LHFPL2: variants seen among roughly 807,000 people sequenced by gnomAD.
LHFPL2 encodes the protein LHFPL tetraspan subfamily member 2, also known as LHFPL tetraspan subfamily member 2 protein.
A neutral mutation model predicts 17.5 loss-of-function variants in LHFPL2; 7 were observed. The observed-to-expected ratio is 0.40, with a 90% CI of 0.23 to 0.75. LHFPL2 has a LOEUF of 0.75. Ranked by LOEUF, LHFPL2 falls within the 30% of genes least tolerant of loss-of-function variation. The pLI is 0.37. For missense variants in LHFPL2, 241 were observed against 294.8 expected, an observed-to-expected ratio of 0.82 and a Z score of 1.34; for synonymous variants, 134 against 116.2, an observed-to-expected ratio of 1.15 and a Z score of -0.99.
intron 1 of LHFPL2, among the ~76,000 whole-genome samples, chr5:78,633,756 T>C (rs1340645550): frequency 6.6e-6 from 1 of 152,154 alleles, no homozygotes; most frequent in Non-Finnish European, 1.5e-5. Context: ...GAGGTGGAGA[T>C]GGGAGTGCAG....
chr5:78,640,790 A>G (rs1354880947), intron 1 of LHFPL2, among the ~76,000 whole-genome samples: 1 of 152,234 alleles, frequency 6.6e-6, no homozygotes, highest in African/African-American at 2.4e-5. Flanking sequence ...ACTAACAATG[A>G]TTAATCATCC....
At chr5:78,645,416 A>G (rs952560314) in intron 1 of LHFPL2, among the ~76,000 whole-genome samples, 2 of 151,390 alleles carry the variant, frequency 1.3e-5, no homozygotes, top group African/African-American at 2.5e-5. Context: ...TCCCTAAATT[A>G]GCAGAGTTCT....
In LHFPL2 at chr5:78,524,270, T is replaced by C. The variant is rs932787963; in HGVS notation, c.-185-13872A>G. ...TGAGGTTTTCGGGCACACTCACTCATGGGACCCAATAAGCCCAAGACACCA... is the reference window on the plus strand; with the variant it reads ...TGAGGTTTTCGGGCACACTCACTCACGGGACCCAATAAGCCCAAGACACCA... On this transcript the variant is annotated intron_variant, in intron 3 of 4. Coordinates refer to ENST00000380345, the MANE Select transcript of LHFPL2 (RefSeq NM_005779.3). Among the ~76,000 whole-genome samples, 5 of 152,266 alleles carry C rather than the reference T, an allele frequency of 3.3e-5. No individual in the cohort carries two copies. The East Asian group carries it at 7.7e-4, about 23-fold the overall frequency.
intron 2 of LHFPL2, among the ~76,000 whole-genome samples, chr5:78,606,331 G>C (rs1744211533): frequency 6.6e-6 from 1 of 152,084 alleles, no homozygotes; most frequent in African/African-American, 2.4e-5. Flanking sequence ...ATGCCACCAG[G>C]GATTAGGCAG....
chr5:78,623,517 A>G (rs1744932310), intron 2 of LHFPL2, among the ~76,000 whole-genome samples: 1 of 152,246 alleles, frequency 6.6e-6, no homozygotes, highest in South Asian at 2.1e-4. Flanking sequence ...CACATGCAAT[A>G]AGTATACAAA....
intron 3 of LHFPL2, among the ~76,000 whole-genome samples, chr5:78,535,851 A>T (rs1191034303): frequency 6.6e-6 from 1 of 152,132 alleles, no homozygotes; most frequent in Admixed American, 6.5e-5. Flanking sequence ...CTCTGACACG[A>T]ACTCATAACA....
At chr5:78,640,056 A>C (rs574329538) in intron 1 of LHFPL2, among the ~76,000 whole-genome samples, 1 of 152,362 alleles carries the variant, frequency 6.6e-6, no homozygotes, top group South Asian at 2.1e-4. Context: ...GGAAAGAAAG[A>C]AAATGCTGAA....
chr5:78,541,643 G>A (rs901970041), intron 3 of LHFPL2, among the ~76,000 whole-genome samples: 2 of 152,196 alleles, frequency 1.3e-5, no homozygotes, highest in African/African-American at 4.8e-5. Context: ...CCTGCCACCT[G>A]ATAAATCAGT....
At chr5:78,568,347 C>T (rs1756912072) in intron 2 of LHFPL2, among the ~76,000 whole-genome samples, 2 of 152,218 alleles carry the variant, frequency 1.3e-5, no homozygotes, top group African/African-American at 4.8e-5. Flanking sequence ...TCCCATTCAT[C>T]TCCATTTGGG....
At chr5:78,584,368 A>G (rs973077534) in intron 2 of LHFPL2, among the ~76,000 whole-genome samples, 24 of 152,164 alleles carry the variant, frequency 1.6e-4, no homozygotes, top group African/African-American at 5.8e-4. Context: ...CCTGCTTTTT[A>G]GAGTTTCCAG....
In LHFPL2 at chr5:78,488,799, G is replaced by T; in HGVS notation, c.*98C>A. On this transcript the variant is annotated 3_prime_UTR_variant, in exon 5 of 5. Coordinates refer to ENST00000380345, the MANE Select transcript of LHFPL2 (RefSeq NM_005779.3). ...GCCTCGGGCCGTGGAACGTGGCTTT[G>T]GTAGGTAAAGGTTAGTTCTCCACTT... 1.4e-6 allele frequency: 2 copies of T among 1,403,148 alleles called. No individual in the cohort carries two copies. The highest frequency in any genetic ancestry group is 9.8e-7 in the Non-Finnish European group (1 of 1,021,508). 86.9% of individuals were successfully genotyped at this position (1,403,148 alleles called of 1,614,324 possible).
At chr5:78,528,367 G>C (rs1755680939) in intron 3 of LHFPL2, among the ~76,000 whole-genome samples, 1 of 152,154 alleles carries the variant, frequency 6.6e-6, no homozygotes, top group South Asian at 2.1e-4. Context: ...TATCAACAGT[G>C]GCATTAGATT....
chr5:78,627,063 G>A (rs536322695), intron 2 of LHFPL2, among the ~76,000 whole-genome samples: 10 of 150,164 alleles, frequency 6.7e-5, no homozygotes, highest in South Asian at 2.1e-4. Context: ...CCTGGGCAAC[G>A]AGAGCGAAAC....
At chr5:78,531,397 C>A (rs866321570) in intron 3 of LHFPL2, among the ~76,000 whole-genome samples, 3 of 118,742 alleles carry the variant, frequency 2.5e-5, no homozygotes, top group African/African-American at 6.4e-5. Context: ...CCAGGCTGGG[C>A]AACAAGAGCA....
At chr5:78,579,640 A>G (rs1054081869) in intron 2 of LHFPL2, among the ~76,000 whole-genome samples, 2 of 151,880 alleles carry the variant, frequency 1.3e-5, no homozygotes, top group African/African-American at 4.8e-5. Flanking sequence ...ATGATTTCCA[A>G]TTTCATCCAT....
chr5:78,505,724 CAAAT>C (rs1007300062), intron 4 of LHFPL2, among the ~76,000 whole-genome samples: 32 of 152,310 alleles, frequency 2.1e-4, no homozygotes, highest in African/African-American at 7.7e-4. Flanking sequence ...ATCCGGGAAA[CAAAT>C]AATATACTAA....
chr5:78,645,333 A>C (rs1365181372), intron 1 of LHFPL2, among the ~76,000 whole-genome samples: 1 of 151,684 alleles, frequency 6.6e-6, no homozygotes, highest in Non-Finnish European at 1.5e-5. Context: ...CCCAGAACAG[A>C]GCCTGGCCCA....
At chr5:78,507,910 C>T (rs1432513290) in intron 4 of LHFPL2, among the ~76,000 whole-genome samples, 1 of 150,490 alleles carries the variant, frequency 6.6e-6, no homozygotes, top group Non-Finnish European at 1.5e-5. Context: ...AGTAATACTT[C>T]CCTGCAAAAG....
Position 78,630,061 on chromosome 5 carries a change from C to A in LHFPL2, c.-245+2203G>T, listed in dbSNP as rs150522217. Among the ~76,000 whole-genome samples the A allele has an allele frequency of 5.6e-3, 858 of 152,322 alleles. 12 individuals are homozygous for A. Among genetic ancestry groups the A allele is most frequent in the African/African-American group, 0.02 (822 of 41,572 alleles). ...GGGTAGTCAAGATTCAACTAGCGAC[C>A]TCTGTGAAGTGAGCCTGAACACACA... On this transcript the variant is annotated intron_variant, in intron 2 of 4. Coordinates refer to ENST00000380345, the MANE Select transcript of LHFPL2 (RefSeq NM_005779.3).
Sources: gnomAD v4.1 joint callset for allele counts (sites outside exome capture counted in the v4.1 genomes callset) on GRCh38, gnomAD v4.1.1 for gene constraint, MANE v1.5 for transcripts, NCBI Gene and HGNC (gene_info 2026-07-23, HGNC 2026-07-21) for gene names.